The following PTPRN2 variants were observed in gnomAD, a reference collection of about 807,000 sequenced individuals.
PTPRN2 encodes the protein protein tyrosine phosphatase receptor type N2.
PTPRN2 carries 74 observed loss-of-function variants against 118.8 expected under a neutral mutation model. The ratio of observed to expected loss-of-function variants is 0.62; its 90% CI spans 0.52 to 0.76. The LOEUF is 0.76. Among genes scored for constraint, PTPRN2 ranks in the 30% least tolerant of loss-of-function variants. The pLI, the probability that PTPRN2 is intolerant of heterozygous loss-of-function variation, is 0.00. For synonymous variants in PTPRN2, 641 were observed against 608.0 expected (o/e 1.05, Z -0.80); for missense variants, 1,481 against 1,394.4 (o/e 1.06, Z -0.99).
intron 11 of PTPRN2, among the ~76,000 whole-genome samples, chr7:157,910,611 G>A (rs1798049243): frequency 6.6e-6 from 1 of 152,232 alleles, no homozygotes; most frequent in South Asian, 2.1e-4. Context: ...TTTCCCACAT[G>A]GTGTGGTGTA....
At chr7:158,205,115 A>T in intron 4 of PTPRN2, 56 bp downstream of exon 4, 1 of 1,343,326 alleles carries the variant, frequency 7.4e-7, no homozygotes, top group Non-Finnish European at 1.1e-6. Context: ...TAATAAGTGT[A>T]ATGGCTATGG....
At position 157,874,319 on chromosome 7, in the gene PTPRN2, C is replaced by G. The variant is rs1795580931; in HGVS notation, c.1788+24354G>C. Among the ~76,000 whole-genome samples, 1 of 152,176 alleles carries G rather than the reference C, an allele frequency of 6.6e-6. No individual in the cohort carries two copies. The highest frequency in any genetic ancestry group is 1.5e-5 in the Non-Finnish European group (1 of 68,038). On this transcript the variant is annotated intron_variant, in intron 12 of 22. Transcript: ENST00000389418. The surrounding 1 kb of genome is among the most constrained non-coding windows in gnomAD (Gnocchi z 5.8). ...CCTGGACTGCAGTGCTCCACTTGGC[C>G]TCGCCCACCTCTCAGCCCATTTTCA...
At chr7:157,607,332 G>A (rs1041166678) in intron 15 of PTPRN2, among the ~76,000 whole-genome samples, 4 of 152,240 alleles carry the variant, frequency 2.6e-5, no homozygotes, top group African/African-American at 9.6e-5. Flanking sequence ...GCCCGGTGCT[G>A]CAGCCCACAC....
At chr7:158,566,226 C>T (rs1182537252) in intron 1 of PTPRN2, among the ~76,000 whole-genome samples, 1 of 152,062 alleles carries the variant, frequency 6.6e-6, no homozygotes, top group Non-Finnish European at 1.5e-5. Flanking sequence ...TGGTGGCGGG[C>T]ACCTGTTATC....
chr7:158,403,081 T>C (rs1164585182), intron 2 of PTPRN2, among the ~76,000 whole-genome samples: 1 of 152,214 alleles, frequency 6.6e-6, no homozygotes, highest in African/African-American at 2.4e-5. Flanking sequence ...TCGCTCTGTT[T>C]GGAGACACCA....
At chr7:158,385,429 A>C (rs1269370402) in intron 2 of PTPRN2, among the ~76,000 whole-genome samples, 1 of 152,240 alleles carries the variant, frequency 6.6e-6, no homozygotes, top group East Asian at 1.9e-4. Flanking sequence ...CTCTACTTTA[A>C]AATCTCACTG....
intron 2 of PTPRN2, among the ~76,000 whole-genome samples, chr7:158,339,706 G>A (rs1586369932): frequency 3.2e-5 from 2 of 61,852 alleles, no homozygotes; most frequent in Non-Finnish European, 6.3e-5. Context: ...CACCATAAGA[G>A]GTGACACCTG....
At chr7:158,282,777 C>T (rs1222757930) in intron 3 of PTPRN2, among the ~76,000 whole-genome samples, 1 of 150,750 alleles carries the variant, frequency 6.6e-6, no homozygotes, top group African/African-American at 2.4e-5. Context: ...TGCTCCCACA[C>T]ACAGCAGCCG....
chr7:158,503,545 C>T (rs1025283444), intron 1 of PTPRN2, among the ~76,000 whole-genome samples: 3 of 152,180 alleles, frequency 2.0e-5, no homozygotes, highest in Admixed American at 6.5e-5. Context: ...GAGGCAGAGC[C>T]GGCACCACAA....
intron 11 of PTPRN2, among the ~76,000 whole-genome samples, chr7:158,074,944 G>A (rs1021080265): frequency 6.6e-6 from 1 of 152,228 alleles, no homozygotes; most frequent in Non-Finnish European, 1.5e-5. Context: ...CCTTGGTTTA[G>A]CAGTATCCCC....
intron 13 of PTPRN2, among the ~76,000 whole-genome samples, chr7:157,668,753 CTG>C (rs1289978668): frequency 6.6e-6 from 1 of 152,164 alleles, no homozygotes; most frequent in Admixed American, 6.5e-5. Context: ...CAGTTTGACA[CTG>C]AGGCTGCAGG....
intron 5 of PTPRN2, among the ~76,000 whole-genome samples, chr7:158,188,765 C>CGCCCCCTGT (rs1563578288): frequency 6.6e-6 from 1 of 151,306 alleles, no homozygotes; most frequent in Non-Finnish European, 1.5e-5. Context: ...CCGCCACGCT[C>CGCCCCCTGT]ACCCGCTGTA....
chr7:157,684,570 C>T (rs1797077248), intron 12 of PTPRN2, among the ~76,000 whole-genome samples: 1 of 151,490 alleles, frequency 6.6e-6, no homozygotes. Flanking sequence ...GGTCCGCGCC[C>T]CCTCCCCGGT....
At chr7:158,272,531 A>G (rs1337763130) in intron 3 of PTPRN2, among the ~76,000 whole-genome samples, 1 of 152,150 alleles carries the variant, frequency 6.6e-6, no homozygotes. Context: ...GAACTTCCAC[A>G]TCCCCTCACT....
chr7:158,000,170 A>G (rs1805106663), intron 11 of PTPRN2, among the ~76,000 whole-genome samples: 1 of 152,212 alleles, frequency 6.6e-6, no homozygotes, highest in Non-Finnish European at 1.5e-5. Flanking sequence ...TACAGGCATG[A>G]GTCACCTTGC....
chr7:157,872,458 C>A (rs188642844), intron 12 of PTPRN2, among the ~76,000 whole-genome samples: 2,652 of 142,546 alleles, frequency 0.019, 126 homozygotes, highest in East Asian at 0.079. Context: ...CCCACACACG[C>A]ATATCCAGTG....
At chr7:157,751,332 G>GA (rs566192327) in intron 12 of PTPRN2, among the ~76,000 whole-genome samples, 2 of 152,158 alleles carry the variant, frequency 1.3e-5, no homozygotes, top group Middle Eastern at 3.2e-3. Flanking sequence ...CAGGTGGAAA[G>GA]AAAAAAATCC....
chr7:158,080,665 C>G (rs1427937881), intron 11 of PTPRN2, among the ~76,000 whole-genome samples: 2 of 151,214 alleles, frequency 1.3e-5, no homozygotes, highest in East Asian at 1.9e-4. Flanking sequence ...GAGAGTAAAG[C>G]TTTGTGTTTT....
At chr7:158,128,223 T>C (rs1420059636) in intron 9 of PTPRN2, among the ~76,000 whole-genome samples, 1 of 152,218 alleles carries the variant, frequency 6.6e-6, no homozygotes, top group Admixed American at 6.5e-5. Flanking sequence ...GAATCACAAA[T>C]TATTAGTCTG....
Sources: gnomAD v4.1 joint callset for allele counts (sites outside exome capture counted in the v4.1 genomes callset) on GRCh38, gnomAD v4.1.1 for gene constraint, Gnocchi (gnomAD v3.1) non-coding constraint, MANE v1.5 for transcripts, NCBI Gene and HGNC (gene_info 2026-07-23, HGNC 2026-07-21) for gene names.